Variants in C6 observed in about 807,000 individuals in gnomAD.
The protein encoded by C6 is complement component C6.
C6 carries 101 observed loss-of-function variants against 112.9 expected under a neutral mutation model. That is an observed-to-expected ratio of 0.89 (90% confidence interval 0.76 to 1.06). The LOEUF (loss-of-function observed/expected upper bound fraction) is 1.06, where lower values mean the gene tolerates loss of function less well. Ranked by LOEUF, C6 falls within the 50% of genes least tolerant of loss-of-function variation. The pLI, the probability that C6 is intolerant of heterozygous loss-of-function variation, is 0.00. For synonymous variants in C6, 431 were observed against 384.1 expected (o/e 1.12, Z -1.43); for missense variants, 1,202 against 1,104.6 (o/e 1.09, Z -1.25).
At chr5:41,157,512 T>C (rs1747029203) in intron 13 of C6, among the ~76,000 whole-genome samples, 1 of 152,204 alleles carries the variant, frequency 6.6e-6, no homozygotes, top group African/African-American at 2.4e-5. Context: ...AAAGTAGCCA[T>C]AGACGATATG....
chr5:41,178,230 C>T (rs1000076474), intron 7 of C6, among the ~76,000 whole-genome samples: 7 of 151,982 alleles, frequency 4.6e-5, no homozygotes, highest in Admixed American at 2.6e-4. Flanking sequence ...ATTGTGGTTT[C>T]CATTTTGTAA....
intron 1 of C6, among the ~76,000 whole-genome samples, chr5:41,259,666 A>G (rs1187648202): frequency 6.6e-6 from 1 of 152,232 alleles, no homozygotes; most frequent in South Asian, 2.1e-4. Context: ...CCAATTGCTT[A>G]TAAGTGGGCC....
chr5:41,197,475 A>AT (rs992533370), intron 4 of C6, among the ~76,000 whole-genome samples: 2 of 152,140 alleles, frequency 1.3e-5, no homozygotes, highest in African/African-American at 4.8e-5. Flanking sequence ...TACATATTAC[A>AT]TTTTTTAAAA....
chr5:41,239,673 T>G (rs1740574543), intron 1 of C6, among the ~76,000 whole-genome samples: 2 of 151,996 alleles, frequency 1.3e-5, no homozygotes, highest in Non-Finnish European at 2.9e-5. Flanking sequence ...TCTCTATAAG[T>G]TTAATGATTT....
intron 4 of C6, among the ~76,000 whole-genome samples, chr5:41,198,136 C>T (rs73753129): frequency 0.026 from 4,011 of 152,152 alleles, 195 homozygotes; most frequent in African/African-American, 0.091. Context: ...TAAAAATCCA[C>T]GTATACATCA....
chr5:41,175,723 C>CA (rs1353356057), intron 8 of C6, among the ~76,000 whole-genome samples: 1 of 152,170 alleles, frequency 6.6e-6, no homozygotes, highest in East Asian at 1.9e-4. Context: ...GAGGGTGAGA[C>CA]AAAACCAAGT....
intron 1 of C6, among the ~76,000 whole-genome samples, chr5:41,240,689 A>G (rs1052014636): frequency 6.6e-6 from 1 of 152,174 alleles, no homozygotes; most frequent in East Asian, 1.9e-4. Context: ...GCTTTCAGGC[A>G]GCATGCTTGA....
chr5:41,158,840 T>A, intron 12 of C6, 55 bp from the exon 13 acceptor site: 1 of 1,064,436 alleles, frequency 9.4e-7, no homozygotes, highest in East Asian at 2.4e-5. Context: ...CACATTTACA[T>A]GTGTGTATAT....
intron 5 of C6, among the ~76,000 whole-genome samples, chr5:41,193,123 G>A (rs1178703164): frequency 6.6e-6 from 1 of 152,164 alleles, no homozygotes; most frequent in Non-Finnish European, 1.5e-5. Context: ...ATAGCTGAAA[G>A]CATAACAGCG....
intron 1 of C6, among the ~76,000 whole-genome samples, chr5:41,227,091 C>G (rs1739560422): frequency 6.6e-6 from 1 of 152,024 alleles, no homozygotes; most frequent in Admixed American, 6.6e-5. Context: ...TAAGAGTTTT[C>G]TTTCCTCCAC....
intron 1 of C6, among the ~76,000 whole-genome samples, chr5:41,250,144 T>G (rs1410680018): frequency 6.6e-6 from 1 of 152,222 alleles, no homozygotes; most frequent in Non-Finnish European, 1.5e-5. Flanking sequence ...GCTCCGGCTT[T>G]GCAGCGTCAC....
intron 1 of C6, chr5:41,203,532 T>C: frequency 2.6e-6 from 1 of 389,684 alleles, no homozygotes; most frequent in Non-Finnish European, 4.9e-6. Flanking sequence ...CATGTATTTG[T>C]AATCCATTTC....
intron 17 of C6, among the ~76,000 whole-genome samples, chr5:41,148,702 A>G (rs955264113): frequency 1.3e-5 from 2 of 152,220 alleles, no homozygotes; most frequent in African/African-American, 4.8e-5. Context: ...AGAGCTGGAA[A>G]GTATAACAGT....
At chr5:41,197,820 A>C (rs1750724090) in intron 4 of C6, among the ~76,000 whole-genome samples, 1 of 152,134 alleles carries the variant, frequency 6.6e-6, no homozygotes, top group South Asian at 2.1e-4. Flanking sequence ...AAGGGGAGAG[A>C]TATTGTAAGC....
At chr5:41,242,339 T>A (rs1328187009) in intron 1 of C6, among the ~76,000 whole-genome samples, 1 of 152,164 alleles carries the variant, frequency 6.6e-6, no homozygotes, top group Non-Finnish European at 1.5e-5. Flanking sequence ...ACTCACTCCA[T>A]CCTGCTGTCC....
At chr5:41,223,780 G>T (rs2150406445) in intron 1 of C6, among the ~76,000 whole-genome samples, 1 of 152,070 alleles carries the variant, frequency 6.6e-6, no homozygotes, top group East Asian at 1.9e-4. Flanking sequence ...TTAATATAAG[G>T]TTTATTTTGT....
chr5:41,143,041 C>T, intron 17 of C6, 35 bp from the exon 18 acceptor site: 1 of 1,588,160 alleles, frequency 6.3e-7, no homozygotes, highest in Non-Finnish European at 8.6e-7. Flanking sequence ...TGTGACTTAC[C>T]ACAGTACATT....
rs529484837 is a variant in C6 at position 41,160,349 on chromosome 5, A to T, written c.1477T>A (p.Leu493Met). The change falls in exon 11 of 18, where the codon TTG (leucine) becomes ATG (methionine). Residue 493 changes from leucine (L) to methionine (M), a missense_variant. Physicochemically the swap from Leu to Met is conservative, Grantham distance 15. Coordinates refer to ENST00000337836, the MANE Select transcript of C6 (RefSeq NM_000065.5). Reference protein sequence around the residue: ...IDFELAPIVDLVRNIPCAVTK... With the variant: ...IDFELAPIVDMVRNIPCAVTK... ...ACTGCACAGGGGATGTTTCTTACCA[A>T]GTCCACGATGGGGGCAAGCTAGGAG... is the stretch of plus-strand genomic sequence containing the variant. 1.2e-6 allele frequency: 2 copies of T among 1,613,722 alleles called. No homozygotes were observed. Among genetic ancestry groups the T allele is most frequent in the African/African-American group, 1.3e-5 (1 of 74,998 alleles).
chr5:41,200,891 GTTTTT>G (rs143443464), intron 3 of C6, among the ~76,000 whole-genome samples: 15,387 of 70,102 alleles, frequency 0.22, 961 homozygotes, highest in Non-Finnish European at 0.24. Context: ...TGTTGTTGTT[GTTTTT>G]TTTTTTTTTT....
Sources: gnomAD v4.1 joint callset for allele counts (sites outside exome capture counted in the v4.1 genomes callset) on GRCh38, gnomAD v4.1.1 for gene constraint, MANE v1.5 for transcripts, NCBI Gene and HGNC (gene_info 2026-07-23, HGNC 2026-07-21) for gene names.